Variants in KAZN observed in about 807,000 individuals in gnomAD.
The protein encoded by KAZN is kazrin, periplakin interacting protein.
In KAZN, 40 loss-of-function variants were observed where a neutral mutation model predicts 87.4. The ratio of observed to expected loss-of-function variants is 0.46; its 90% confidence interval spans 0.36 to 0.60. KAZN has a LOEUF of 0.60. Among genes scored for constraint, KAZN ranks in the 20% least tolerant of loss-of-function variants. KAZN has a pLI of 0.00. For missense variants in KAZN, 898 were observed against 1,073.9 expected (o/e 0.84, Z 2.29); for synonymous variants, 466 against 458.3 (o/e 1.02, Z -0.22).
chr1:14,993,367 G>T (rs1041369143), intron 2 of KAZN, among the ~76,000 whole-genome samples: 4 of 151,814 alleles, frequency 2.6e-5, no homozygotes, highest in Admixed American at 6.6e-5. Flanking sequence ...TACTGAGGAG[G>T]CTGAGGCAGG....
chr1:15,108,769 A>G (rs1195254089), intron 13 of KAZN, among the ~76,000 whole-genome samples: 1 of 152,166 alleles, frequency 6.6e-6, no homozygotes, highest in Non-Finnish European at 1.5e-5. Context: ...ACATTGACTC[A>G]GGAGAGTCCA....
intron 1 of KAZN, among the ~76,000 whole-genome samples, chr1:14,035,329 C>G (rs1641506707): frequency 6.6e-6 from 1 of 152,102 alleles, no homozygotes; most frequent in African/African-American, 2.4e-5. Flanking sequence ...CAGGAAATAA[C>G]AGTGTTCCTA....
chr1:14,895,453 C>A (rs1173701995), intron 1 of KAZN, among the ~76,000 whole-genome samples: 2 of 152,246 alleles, frequency 1.3e-5, no homozygotes, highest in African/African-American at 2.4e-5. Context: ...CCCAATCCCA[C>A]CCATGTCTCA....
intron 1 of KAZN, among the ~76,000 whole-genome samples, chr1:14,812,303 C>A (rs1646436965): frequency 1.3e-5 from 2 of 152,206 alleles, no homozygotes; most frequent in African/African-American, 4.8e-5. Context: ...TACATTTCAA[C>A]CCCTTCACTC....
At chr1:14,257,974 AG>A (rs1474888955) in intron 2 of KAZN, among the ~76,000 whole-genome samples, 16 of 120,580 alleles carry the variant, frequency 1.3e-4, no homozygotes, top group Admixed American at 8.8e-4. Context: ...AAAAAAAAAG[AG>A]AAAAAAAAAA....
intron 1 of KAZN, among the ~76,000 whole-genome samples, chr1:14,821,606 T>C (rs1162174443): frequency 6.6e-6 from 1 of 151,466 alleles, no homozygotes; most frequent in African/African-American, 2.4e-5. Context: ...GAGGAGGGGA[T>C]TCGGACACAG....
intron 1 of KAZN, among the ~76,000 whole-genome samples, chr1:13,926,925 A>G (rs1001957901): frequency 3.3e-5 from 5 of 152,060 alleles, no homozygotes; most frequent in African/African-American, 1.2e-4. Context: ...ATGGTGCTCA[A>G]AGAAAAAAAC....
At chr1:14,631,693 G>A (rs1679578137) in intron 1 of KAZN, among the ~76,000 whole-genome samples, 1 of 152,240 alleles carries the variant, frequency 6.6e-6, no homozygotes, top group African/African-American at 2.4e-5. Context: ...AGAGAGGGCG[G>A]GAGCACATGA....
At chr1:14,365,979 T>C (rs968571392) in intron 2 of KAZN, among the ~76,000 whole-genome samples, 1 of 152,214 alleles carries the variant, frequency 6.6e-6, no homozygotes, top group African/African-American at 2.4e-5. Flanking sequence ...CCACAGTTAT[T>C]ATTGTTAGTT....
In KAZN at chr1:14,184,647, T is replaced by G. The variant is rs767772287; in HGVS notation, c.249+4055T>G. ...AAAAGAGCTGTCTAGCAAACTCTTC[T>G]AGATGATTGTGCTTTCCAATTGGTT... On this transcript the variant is annotated intron_variant, in intron 2 of 16. Transcript: ENST00000636203. This position sits in a 1 kb window ranked among gnomAD's most constrained non-coding sequence, Gnocchi z 4.2. Among the ~76,000 whole-genome samples, 11 of 152,184 alleles carry G rather than the reference T, an allele frequency of 7.2e-5. No individual in the cohort carries two copies. Among genetic ancestry groups the G allele is most frequent in the Non-Finnish European group, 1.3e-4 (9 of 68,036 alleles).
chr1:14,102,462 G>A (rs1570742078), intron 1 of KAZN, among the ~76,000 whole-genome samples: 1 of 151,632 alleles, frequency 6.6e-6, no homozygotes, highest in African/African-American at 2.4e-5. Flanking sequence ...AGAACCTGGG[G>A]AAAAATGGGT....
intron 8 of KAZN, among the ~76,000 whole-genome samples, chr1:15,076,886 T>C (rs1215073588): frequency 6.6e-6 from 1 of 152,210 alleles, no homozygotes; most frequent in Non-Finnish European, 1.5e-5. Flanking sequence ...GGACCCACCT[T>C]GTGGGCTCTC....
chr1:14,492,865 A>G (rs1465066996), intron 2 of KAZN, among the ~76,000 whole-genome samples: 2 of 151,132 alleles, frequency 1.3e-5, no homozygotes, highest in Admixed American at 1.3e-4. Context: ...ATGTGTGAGC[A>G]CGCACAGCAC....
intron 4 of KAZN, among the ~76,000 whole-genome samples, chr1:15,052,143 G>A (rs537794790): frequency 2.0e-5 from 3 of 152,034 alleles, no homozygotes; most frequent in East Asian, 1.9e-4. Context: ...GTGTGTGTAC[G>A]TGTGTGTATG....
intron 1 of KAZN, among the ~76,000 whole-genome samples, chr1:14,668,759 C>T (rs10927494): frequency 0.19 from 28,854 of 152,160 alleles, 2,904 homozygotes; most frequent in Middle Eastern, 0.32. Flanking sequence ...ACGTCATCTC[C>T]CCTTCTGCGA....
chr1:14,573,196 GC>G (rs1203571712), intron 2 of KAZN, among the ~76,000 whole-genome samples: 1 of 152,136 alleles, frequency 6.6e-6, no homozygotes, highest in Non-Finnish European at 1.5e-5. Context: ...CTTCCTTTAA[GC>G]CCCATGTGTA....
At chr1:14,058,055 GC>G (rs1254845071) in intron 1 of KAZN, among the ~76,000 whole-genome samples, 2 of 152,012 alleles carry the variant, frequency 1.3e-5, no homozygotes, top group African/African-American at 4.8e-5. Context: ...ACTTTTTGGG[GC>G]TTGGGGACAA....
At chr1:14,854,229 C>T (rs1358922040) in intron 1 of KAZN, among the ~76,000 whole-genome samples, 2 of 152,180 alleles carry the variant, frequency 1.3e-5, no homozygotes, top group Admixed American at 6.5e-5. Context: ...GCTTGTTGAG[C>T]TTGCATGTTG....
chr1:14,006,830 A>G (rs1399421522), intron 1 of KAZN, among the ~76,000 whole-genome samples: 1 of 152,092 alleles, frequency 6.6e-6, no homozygotes, highest in Non-Finnish European at 1.5e-5. Flanking sequence ...CTGTGGTTCC[A>G]TGTGAATTTT....
Sources: gnomAD v4.1 joint callset for allele counts (sites outside exome capture counted in the v4.1 genomes callset) on GRCh38, gnomAD v4.1.1 for gene constraint, Gnocchi (gnomAD v3.1) non-coding constraint, MANE v1.5 for transcripts, NCBI Gene and HGNC (gene_info 2026-07-23, HGNC 2026-07-21) for gene names.